Variants in LALBA observed in about 807,000 individuals in gnomAD.
LALBA encodes the protein alpha-lactalbumin.
Under a neutral mutation model 13.4 loss-of-function variants are expected in LALBA, and 12 were observed. The observed-to-expected ratio is 0.89, with a 90% CI of 0.57 to 1.45. LALBA has a LOEUF of 1.45. Among genes scored for constraint, LALBA ranks in the 40% most tolerant of loss-of-function variants. The pLI is 0.00. For missense variants in LALBA, 145 were observed against 165.9 expected, an observed-to-expected ratio of 0.87 and a Z score of 0.69; for synonymous variants, 64 against 61.0, an observed-to-expected ratio of 1.05 and a Z score of -0.23.
Position 48,569,916 on chromosome 12 carries a change from A to G in LALBA, c.105T>C (p.Asp35=). Residue 35 remains aspartate (D), a synonymous_variant, in exon 1 of 4, where the codon GAT becomes GAC. Transcript: ENST00000301046. The part of the protein sequence containing the change: ...CELSQLLKDI[D]GYGGIALPEL... Reference sequence around the variant, plus strand: ...CAGGCAAAGCGATGCCTCCATAACCATCTATGTCTTTCAGCAGCTGGGACA... The same window carrying G: ...CAGGCAAAGCGATGCCTCCATAACCGTCTATGTCTTTCAGCAGCTGGGACA... 1 of 1,614,132 alleles carries G rather than the reference A, an allele frequency of 6.2e-7. No individual in the cohort carries two copies. The highest frequency in any genetic ancestry group is 1.1e-5 in the South Asian group (1 of 91,074).
chr12:48,568,652 T>G (rs1376090499), intron 2 of LALBA, 60 bp from the exon 3 acceptor site: 1 of 995,416 alleles, frequency 1.0e-6, no homozygotes, highest in Non-Finnish European at 1.6e-6. Flanking sequence ...AGAAAGGCAC[T>G]GAGTTCCCCT....
At chr12:48,571,643 G>A (rs10875835), upstream of LALBA, among the ~76,000 whole-genome samples, 65,327 of 151,766 alleles carry the variant, frequency 0.43, 14,895 homozygotes, top group African/African-American at 0.54. Flanking sequence ...CCTGGGCCTC[G>A]GCCTCCCAAA....
rs1164411189 is a variant in LALBA at position 48,569,142 on chromosome 12, G to A, written c.232C>T (p.Leu78Phe). The A allele has an allele frequency of 2.5e-6, 4 of 1,613,680 alleles. No individual in the cohort carries two copies. The highest frequency in any genetic ancestry group is 3.4e-6 in the Non-Finnish European group (4 of 1,179,852). The change falls in exon 2 of 4, where the codon CTT becomes TTT. Residue 78 changes from leucine to phenylalanine, a missense_variant. Physicochemically the swap from Leu to Phe is conservative, Grantham distance 22. Coordinates refer to ENST00000301046, the MANE Select transcript of LALBA (RefSeq NM_002289.3). The stretch of plus-strand genomic sequence containing the variant: ...GGGACCTGGCTGCTCTTGCACCAAA[G>A]CTTATTACTGATCTGGAAGAGTCCA... The part of the protein sequence containing the change: ...EYGLFQISNK[L>F]WCKSSQVPQS...
chr12:48,570,061 G>C, upstream of LALBA: 1 of 1,610,648 alleles, frequency 6.2e-7, no homozygotes, highest in East Asian at 2.2e-5. Flanking sequence ...GCATCACTCA[G>C]TTTCATTTAT....
upstream of LALBA, among the ~76,000 whole-genome samples, chr12:48,571,398 T>A (rs1258066117): frequency 2.1e-5 from 3 of 143,166 alleles, no homozygotes; most frequent in East Asian, 4.0e-4. Context: ...TTTTTTTTTT[T>A]TTTTTTGACC....
Position 48,570,035 on chromosome 12 carries a change from A to G in LALBA, c.-15T>C, listed in dbSNP as rs1270862648. On this transcript the variant is annotated 5_prime_UTR_variant, in exon 1 of 4. Transcript: ENST00000301046. ...AAGAACCTCATTTTGGCTACCCCCA[A>G]GAACCTGAAATGGAAGCATCACTCA... is the stretch of plus-strand genomic sequence containing the variant. 1.2e-6 allele frequency: 2 copies of G among 1,613,704 alleles called. No individual in the cohort carries two copies. The highest frequency in any genetic ancestry group is 1.7e-5 in the Admixed American group (1 of 59,848).
chr12:48,570,211 C>T (rs1005116786), upstream of LALBA: 11 of 614,036 alleles, frequency 1.8e-5, no homozygotes, highest in Non-Finnish European at 3.1e-5. Flanking sequence ...TTTTCCTTTC[C>T]CTCTCCCAGT....
chr12:48,570,981 T>TAAA (rs35399476), upstream of LALBA, among the ~76,000 whole-genome samples: 20 of 116,240 alleles, frequency 1.7e-4, no homozygotes, highest in East Asian at 5.1e-4. Flanking sequence ...ACCCTATCTT[T>TAAA]AAAAAAAAAA....
At position 48,569,943 on chromosome 12, in the gene LALBA, C is replaced by T. The variant is rs750132530; in HGVS notation, c.78G>A (p.Glu26=). 77 of 1,613,954 alleles carry T rather than the reference C, an allele frequency of 4.8e-5. No individual in the cohort carries two copies. The highest frequency in any genetic ancestry group is 6.4e-5 in the Non-Finnish European group (75 of 1,180,002). Residue 26 remains glutamate, a synonymous_variant, in exon 1 of 4, where the codon GAG becomes GAA. Transcript: ENST00000301046. ...AILAKQFTKC[E]LSQLLKDIDG... ...CTATGTCTTTCAGCAGCTGGGACAG[C>T]TCACATTTTGTGAATTGCTTGGCCA...
Position 48,569,830 on chromosome 12 carries a change from G to A in LALBA, c.133+58C>T, listed in dbSNP as rs1054939651. ...GTGGAGGGGCGAAGTGGAAGAAAGA[G>A]GGGATGGAGGAGAGAAGCGTATGAG... On this transcript the variant is annotated intron_variant, in intron 1 of 3. Coordinates refer to ENST00000301046, the MANE Select transcript of LALBA (RefSeq NM_002289.3). The A allele has an allele frequency of 3.6e-5, 56 of 1,567,116 alleles. No homozygotes were observed. In the African/African-American group the frequency reaches 6.9e-4, roughly 19 times the overall value.
intron 1 of LALBA, 130 bp downstream of exon 1, chr12:48,569,758 A>C: frequency 1.3e-6 from 1 of 784,524 alleles, no homozygotes; most frequent in East Asian, 2.7e-5. Flanking sequence ...GAAATAAAAG[A>C]GTATGCAAAT....
In LALBA at chr12:48,567,771, G is replaced by GAGCTC. The variant is rs1938585366; in HGVS notation, c.*181_*185dup. ...ATCGAAGGCACTGAGTAAGGGTCTAGAGCTCAGTGCACCACTCAGGCATCC... is the reference window on the plus strand; with the variant it reads ...ATCGAAGGCACTGAGTAAGGGTCTAGAGCTCAGCTCAGTGCACCACTCAGGCATCC... On this transcript the variant is annotated 3_prime_UTR_variant, in exon 4 of 4. Transcript: ENST00000301046. The GAGCTC allele has an allele frequency of 1.7e-6, 1 of 590,734 alleles. No homozygotes were observed. Among genetic ancestry groups the GAGCTC allele is most frequent in the Non-Finnish European group, 3.1e-6 (1 of 325,684 alleles). 36.6% of individuals were successfully genotyped at this position (590,734 alleles called of 1,614,324 possible).
chr12:48,571,473 C>T (rs933046460), upstream of LALBA, among the ~76,000 whole-genome samples: 2 of 149,550 alleles, frequency 1.3e-5, no homozygotes, highest in Admixed American at 1.3e-4. Context: ...CAACCTCTGC[C>T]TCCCAGGCTC....
At chr12:48,568,941 G>A (rs1938599247) in intron 2 of LALBA, 141 bp downstream of exon 2, 7 of 714,382 alleles carry the variant, frequency 9.8e-6, no homozygotes, top group African/African-American at 1.8e-5. Flanking sequence ...TTCTTACTCA[G>A]TACTGCCAAT....
intron 3 of LALBA, 181 bp from the exon 4 acceptor site, chr12:48,568,198 G>T (rs2232570): frequency 3.2e-6 from 2 of 630,686 alleles, no homozygotes; most frequent in African/African-American, 1.8e-5. Flanking sequence ...AAAATTGTAG[G>T]GTTAAAAAAG....
chr12:48,569,911 T>A lies in LALBA; in HGVS notation c.110A>T (p.Tyr37Phe). Residue 37 changes from tyrosine to phenylalanine, a missense_variant, in exon 1 of 4, where the codon TAT becomes TTT. Transcript: ENST00000301046. ...LSQLLKDIDG[Y>F]GGIALPELIC... ...ACATTCAGGCAAAGCGATGCCTCCA[T>A]AACCATCTATGTCTTTCAGCAGCTG... is the stretch of plus-strand genomic sequence containing the variant. 1 of 1,614,060 alleles carries A rather than the reference T, an allele frequency of 6.2e-7. No individual in the cohort carries two copies. Among genetic ancestry groups the A allele is most frequent in the South Asian group, 1.1e-5 (1 of 91,068 alleles).
chr12:48,568,903 T>C (rs1396230748), intron 2 of LALBA, among the ~76,000 whole-genome samples, 179 bp downstream of exon 2: 1 of 152,164 alleles, frequency 6.6e-6, no homozygotes, highest in Non-Finnish European at 1.5e-5. Flanking sequence ...TGTCTGGGGA[T>C]TTGATGACCA....
At position 48,568,612 on chromosome 12, in the gene LALBA, A is replaced by C; in HGVS notation, c.293-20T>G. 1 of 1,474,810 alleles carries C rather than the reference A, an allele frequency of 6.8e-7. No individual in the cohort carries two copies. The highest frequency in any genetic ancestry group is 1.1e-5 in the South Asian group (1 of 87,176). The allele number at this position is 1,474,810 out of a possible 1,614,324, so 91.4% of individuals were successfully genotyped here. A position where few individuals can be genotyped will look rare whatever the true frequency, so the allele number is the denominator to read the frequency against. ...GGAACTCTGGCAGGAGTTACAGGGA[A>C]AGGATTGAGACAGCTGACAAGTATT... On this transcript the variant is annotated intron_variant, in intron 2 of 3. Coordinates refer to ENST00000301046, the MANE Select transcript of LALBA (RefSeq NM_002289.3).
chr12:48,569,105 T>A lies in LALBA; in HGVS notation c.269A>T (p.Asn90Ile). 6.2e-7 allele frequency: 1 copy of A among 1,613,028 alleles called. No individual in the cohort carries two copies. The highest frequency in any genetic ancestry group is 8.5e-7 in the Non-Finnish European group (1 of 1,179,746). The change falls in exon 2 of 4, where the codon AAC becomes ATC. Residue 90 changes from asparagine (N) to isoleucine (I), a missense_variant. Transcript: ENST00000301046. ...ACTGTCACAGGAGATGTCACAGATG[T>A]TCCTTGACTGAGGGACCTGGCTGCT... ...CKSSQVPQSR[N>I]ICDISCDKFL...
Sources: gnomAD v4.1 joint callset for allele counts (sites outside exome capture counted in the v4.1 genomes callset) on GRCh38, gnomAD v4.1.1 for gene constraint, MANE v1.5 for transcripts, NCBI Gene and HGNC (gene_info 2026-07-23, HGNC 2026-07-21) for gene names.